OR8G1: variants seen among roughly 807,000 people sequenced by gnomAD.
OR8G1 encodes olfactory receptor 8G1.
For synonymous variants in OR8G1, 129 were observed against 133.3 expected (o/e 0.97, Z 0.22); for missense variants, 372 against 356.2 (o/e 1.04, Z -0.36).
At position 124,250,478 on chromosome 11, in the gene OR8G1, T is replaced by C; in HGVS notation, c.803T>C (p.Met268Thr). The change falls in exon 3 of 3, where the codon ATG (methionine) becomes ACG (threonine). Residue 268 changes from methionine to threonine, a missense_variant. Physicochemically the swap from Met to Thr is moderately conservative, Grantham distance 81. Transcript: ENST00000641972. ...TTGCAGCCATCTTCAATCAGCTCCA[T>C]GGACCAGGGGAAAGTATCCTCTGTG... The part of the protein sequence containing the change: ...MYLQPSSISS[M>T]DQGKVSSVFY... 6.2e-7 allele frequency: 1 copy of C among 1,613,740 alleles called. No individual in the cohort carries two copies. The highest frequency in any genetic ancestry group is 1.3e-5 in the African/African-American group (1 of 75,034).
Position 124,250,360 on chromosome 11 carries a change from C to T in OR8G1, c.685C>T (p.Arg229Cys), listed in dbSNP as rs368405472. 1.9e-5 allele frequency: 30 copies of T among 1,613,708 alleles called. No individual in the cohort carries two copies. The African/African-American group carries it at 2.1e-4, about 11-fold the overall frequency. The change falls in exon 3 of 3, where the codon CGC becomes TGC. Residue 229 changes from arginine (R) to cysteine (C), a missense_variant. Transcript: ENST00000641972. ...IFIIASILHIRSTEGRSKAFS... is the reference protein window; with the variant it reads ...IFIIASILHICSTEGRSKAFS... ...TATTATTGCCAGCATCCTCCACATT[C>T]GCTCCACTGAGGGCAGGTCCAAAGC...
rs1424843779 is a variant in OR8G1 at position 124,251,482 on chromosome 11, T to C, written c.*871T>C. ...GAAGGTTCTTCAAGAATCTATAATATAACTGGTAACATTCTGACCTATTCT... is the reference window on the plus strand; with the variant it reads ...GAAGGTTCTTCAAGAATCTATAATACAACTGGTAACATTCTGACCTATTCT... On this transcript the variant is annotated 3_prime_UTR_variant, in exon 3 of 3. Coordinates refer to ENST00000641972, the MANE Select transcript of OR8G1 (RefSeq NM_001002905.2). 6.0e-6 allele frequency: 4 copies of C among 661,460 alleles called. No individual in the cohort carries two copies. Among genetic ancestry groups the C allele is most frequent in the Non-Finnish European group, 9.3e-6 (4 of 429,924 alleles). 41.0% of individuals were successfully genotyped at this position (661,460 alleles called of 1,614,324 possible). A position where few individuals can be genotyped will look rare whatever the true frequency, so the allele number is the denominator to read the frequency against.
chr11:124,244,055 A>G (rs1861787368), intron 1 of OR8G1, among the ~76,000 whole-genome samples: 1 of 97,922 alleles, frequency 1.0e-5, no homozygotes, highest in East Asian at 3.2e-4. Context: ...AGAGAGAACG[A>G]GGAAAGGATG....
chr11:124,244,608 A>G (rs993006833), intron 1 of OR8G1, among the ~76,000 whole-genome samples: 3 of 151,926 alleles, frequency 2.0e-5, no homozygotes, highest in Non-Finnish European at 2.9e-5. Context: ...GAAACAAGTT[A>G]CATCCTAGAA....
chr11:124,244,709 T>C (rs565761575), intron 1 of OR8G1, among the ~76,000 whole-genome samples: 111 of 152,096 alleles, frequency 7.3e-4, no homozygotes, highest in Non-Finnish European at 1.3e-3. Flanking sequence ...AGCACATTTA[T>C]GATAACCACC....
At chr11:124,245,431 T>G (rs1353028147) in intron 1 of OR8G1, among the ~76,000 whole-genome samples, 2 of 150,990 alleles carry the variant, frequency 1.3e-5, no homozygotes, top group African/African-American at 2.5e-5. Context: ...ACATTTGGAC[T>G]GGTTGCAAGT....
At chr11:124,243,254 A>C (rs1412707825) in intron 1 of OR8G1, among the ~76,000 whole-genome samples, 3 of 151,972 alleles carry the variant, frequency 2.0e-5, no homozygotes, top group African/African-American at 7.2e-5. Flanking sequence ...CGCAGGAGTA[A>C]ACATAATAGA....
In OR8G1 at chr11:124,250,618, A is replaced by G. The variant is rs1329361829; in HGVS notation, c.*7A>G. ...GAGAAGAACATTATTGTAAACAGTA[A>G]TAATAAGAAGATGATATATTAATCC... On this transcript the variant is annotated 3_prime_UTR_variant, in exon 3 of 3. Transcript: ENST00000641972. 2.2e-5 allele frequency: 14 copies of G among 646,966 alleles called. 4 individuals carry two copies. The East Asian group carries it at 4.5e-4, about 21-fold the overall frequency. The allele number at this position is 646,966 out of a possible 1,614,324, so 40.1% of individuals were successfully genotyped here.
intron 1 of OR8G1, among the ~76,000 whole-genome samples, chr11:124,242,775 C>G (rs1861772301): frequency 6.6e-6 from 1 of 152,002 alleles, no homozygotes; most frequent in Non-Finnish European, 1.5e-5. Context: ...ATATGTTGTA[C>G]ATAAAGAATT....
intron 1 of OR8G1, among the ~76,000 whole-genome samples, chr11:124,246,493 A>G (rs903922910): frequency 2.6e-5 from 4 of 151,910 alleles, no homozygotes; most frequent in Non-Finnish European, 2.9e-5. Context: ...ATACATTACT[A>G]AATCGTAATT....
At chr11:124,242,147 A>G (rs573645418) in intron 1 of OR8G1, among the ~76,000 whole-genome samples, 4 of 151,994 alleles carry the variant, frequency 2.6e-5, no homozygotes, top group Non-Finnish European at 4.4e-5. Flanking sequence ...GGTTAGTTAC[A>G]TTTATTAAAA....
At chr11:124,249,091 C>A (rs559372489) in intron 2 of OR8G1, among the ~76,000 whole-genome samples, 7 of 152,172 alleles carry the variant, frequency 4.6e-5, no homozygotes, top group Non-Finnish European at 8.8e-5. Flanking sequence ...AGACCATAAA[C>A]CAGATAACTG....
chr11:124,241,904 C>T lies in OR8G1; in HGVS notation c.-97+540C>T, dbSNP rs12574001. Among the ~76,000 whole-genome samples the T allele has an allele frequency of 3.7e-3, 563 of 152,070 alleles. 15 individuals carry two copies. In the East Asian group the frequency reaches 0.081, roughly 22 times the overall value. On this transcript the variant is annotated intron_variant, in intron 1 of 2. Transcript: ENST00000641972. ...ATAGCATGAATCTGTGTACTTTATC[C>T]TAAGTGTAATTAAGGCAACCTGTTC...
At chr11:124,242,441 T>C (rs1294499602) in intron 1 of OR8G1, among the ~76,000 whole-genome samples, 2 of 152,074 alleles carry the variant, frequency 1.3e-5, no homozygotes, top group Non-Finnish European at 2.9e-5. Context: ...ATGAAGTTAC[T>C]GGATGAGAAA....
chr11:124,246,434 A>G (rs919387776), intron 1 of OR8G1, among the ~76,000 whole-genome samples: 2 of 151,942 alleles, frequency 1.3e-5, no homozygotes, highest in Non-Finnish European at 2.9e-5. Flanking sequence ...GTGATTTGCA[A>G]ACACTATCAG....
At chr11:124,249,448 T>C (rs79725861) in intron 2 of OR8G1, among the ~76,000 whole-genome samples, 6,208 of 152,156 alleles carry the variant, frequency 0.041, 405 homozygotes, top group African/African-American at 0.14. Flanking sequence ...ACTTAGAAAG[T>C]GTTCAATGAT....
chr11:124,251,542 A>C lies in OR8G1; in HGVS notation c.*931A>C. 1 of 397,440 alleles carries C rather than the reference A, an allele frequency of 2.5e-6. No individual in the cohort carries two copies. Among genetic ancestry groups the C allele is most frequent in the Non-Finnish European group, 4.3e-6 (1 of 231,098 alleles). 24.6% of individuals were successfully genotyped at this position (397,440 alleles called of 1,614,324 possible). A position where few individuals can be genotyped will look rare whatever the true frequency, so the allele number is the denominator to read the frequency against. On this transcript the variant is annotated 3_prime_UTR_variant, in exon 3 of 3. Coordinates refer to ENST00000641972, the MANE Select transcript of OR8G1 (RefSeq NM_001002905.2). The stretch of plus-strand genomic sequence containing the variant: ...TGTATGTGTATTTGTTCTGTGAAAA[A>C]TCCCAATGCAGATATGATAACTTGT...
At chr11:124,249,521 ATAT>A in intron 2 of OR8G1, 136 bp from the exon 3 acceptor site, 2 of 679,832 alleles carry the variant, frequency 2.9e-6, no homozygotes, top group Admixed American at 6.6e-5. Flanking sequence ...GATTAAATAA[ATAT>A]TATTTGAGGT....
In OR8G1 at chr11:124,251,127, C is replaced by T. The variant is rs1408133681; in HGVS notation, c.*516C>T. The T allele has an allele frequency of 6.6e-5, 7 of 106,294 alleles. 3 individuals carry two copies. Among genetic ancestry groups the T allele is most frequent in the Non-Finnish European group, 9.4e-5 (5 of 53,078 alleles). 6.6% of individuals were successfully genotyped at this position (106,294 alleles called of 1,614,324 possible). On this transcript the variant is annotated 3_prime_UTR_variant, in exon 3 of 3. Coordinates refer to ENST00000641972, the MANE Select transcript of OR8G1 (RefSeq NM_001002905.2). ...AATTTCAGAATATAAGTTACATATC[C>T]GTGTATGTGTTATAATTGTGCAATC...
Sources: allele counts gnomAD v4.1 joint callset (sites outside exome capture counted in the v4.1 genomes callset), GRCh38; gene constraint gnomAD v4.1.1; transcripts MANE v1.5; gene names NCBI Gene and HGNC (gene_info 2026-07-23, HGNC 2026-07-21).